The following U2AF1L4 variants were observed in gnomAD, a reference collection of about 807,000 sequenced individuals.
U2AF1L4 encodes U2 small nuclear RNA auxiliary factor 1 like 4.
U2AF1L4 carries 21 observed loss-of-function variants against 21.7 expected under a neutral mutation model. The observed-to-expected ratio is 0.97, with a 90% confidence interval of 0.69 to 1.39. The LOEUF is 1.39. Among genes scored for constraint, U2AF1L4 ranks in the 40% most tolerant of loss-of-function variants. U2AF1L4 has a pLI of 0.00. For missense variants in U2AF1L4, 259 were observed against 245.7 expected, an observed-to-expected ratio of 1.05 and a Z score of -0.36; for synonymous variants, 92 against 89.7, an observed-to-expected ratio of 1.03 and a Z score of -0.15.
intron 5 of U2AF1L4, chr19:35,743,326 C>G (rs1407861180): frequency 8.4e-6 from 2 of 239,164 alleles, no homozygotes; most frequent in Non-Finnish European, 1.6e-5. Flanking sequence ...TGAGCCAAGA[C>G]TGCGCCTTTG....
At chr19:35,744,743 A>C (rs1970484602) in intron 2 of U2AF1L4, 1 of 1,534,556 alleles carries the variant, frequency 6.5e-7, no homozygotes, top group African/African-American at 1.4e-5. Flanking sequence ...GCAGGGCTGC[A>C]TGAACAGAGA....
At position 35,742,591 on chromosome 19, in the gene U2AF1L4, G is replaced by A. The variant is rs765419108; in HGVS notation, c.*128C>T. 6.2e-7 allele frequency: 1 copy of A among 1,613,920 alleles called. No homozygotes were observed. The highest frequency in any genetic ancestry group is 2.2e-5 in the East Asian group (1 of 44,886). On this transcript the variant is annotated 3_prime_UTR_variant, in exon 6 of 6. Transcript: ENST00000378975. ...GGCGGTAGAAGAAGGTCTCCATGCT[G>A]AACAGATTACATTATGGAGCCCGGG...
rs894848178 is a variant in U2AF1L4 at position 35,743,666 on chromosome 19, AAC to A, written c.461+141_461+142del. On this transcript the variant is annotated intron_variant, in intron 5 of 5. Transcript: ENST00000378975. ...GGTGCCAATGCACTCCAGCCTGGGC[AAC>A]AGAGTGAGGCTCCATCTCAAAAAAA... is the stretch of plus-strand genomic sequence containing the variant. 1.3e-5 allele frequency: 10 copies of A among 790,880 alleles called. No individual in the cohort carries two copies. The Admixed American group carries it at 2.4e-4, about 19-fold the overall frequency. The allele number at this position is 790,880 out of a possible 1,614,324, so 49.0% of individuals were successfully genotyped here. A position where few individuals can be genotyped will look rare whatever the true frequency, so the allele number is the denominator to read the frequency against.
rs757313690 is a variant in U2AF1L4, at chr19:35,745,124, C to G, written c.132+1G>C. ...CCCCGAGGCTCCGTGCCGGGTCTCACCTGGCTGAATGTCGGCTTGTTGTGA... is the reference window on the plus strand; with the variant it reads ...CCCCGAGGCTCCGTGCCGGGTCTCAGCTGGCTGAATGTCGGCTTGTTGTGA... On this transcript the variant is annotated splice_donor_variant, in intron 2 of 5. Coordinates refer to ENST00000378975, the MANE Select transcript of U2AF1L4 (RefSeq NM_001040425.3). LOFTEE classifies it high-confidence loss of function. The G allele has an allele frequency of 1.2e-5, 19 of 1,612,978 alleles. No homozygotes were observed. Among genetic ancestry groups the G allele is most frequent in the Non-Finnish European group, 1.5e-5 (18 of 1,179,918 alleles).
At chr19:35,743,752 C>A (rs1165889021) in intron 5 of U2AF1L4, 57 bp downstream of exon 5, 4 of 1,319,202 alleles carry the variant, frequency 3.0e-6, no homozygotes, top group African/African-American at 1.5e-5. Context: ...TTAGGCTCAT[C>A]TGAGGATATA....
At chr19:35,743,729 C>T (rs763183658) in intron 5 of U2AF1L4, 80 bp downstream of exon 5, 3 of 834,518 alleles carry the variant, frequency 3.6e-6, no homozygotes, top group South Asian at 1.5e-5. Context: ...AACGTGGTTA[C>T]TGGGGCTTAG....
At chr19:35,743,329 C>A (rs1399350373) in intron 5 of U2AF1L4, 2 of 229,820 alleles carry the variant, frequency 8.7e-6, no homozygotes, top group South Asian at 3.6e-5. Flanking sequence ...GCCAAGACTG[C>A]GCCTTTGCAC....
chr19:35,742,489 G>T, downstream of U2AF1L4: 1 of 1,571,546 alleles, frequency 6.4e-7, no homozygotes, highest in South Asian at 1.2e-5. Flanking sequence ...CGTCACATGT[G>T]TGGGTGGAGG....
At chr19:35,744,510 T>A (rs774515005) in intron 2 of U2AF1L4, 89 bp from the exon 3 acceptor site, 1 of 1,606,660 alleles carries the variant, frequency 6.2e-7, no homozygotes, top group Non-Finnish European at 8.5e-7. Flanking sequence ...GCTATCATAG[T>A]GCTCCTGCAC....
intron 5 of U2AF1L4, 119 bp downstream of exon 5, chr19:35,743,686 CAAAA>C (rs36076889): frequency 6.4e-3 from 3,136 of 488,172 alleles, no homozygotes; most frequent in Non-Finnish European, 6.9e-3. Flanking sequence ...GGCTCCATCT[CAAAA>C]AAAAAAAAAA....
chr19:35,743,947 C>A (rs1219907264), intron 4 of U2AF1L4, 43 bp from the exon 5 acceptor site: 22 of 1,609,026 alleles, frequency 1.4e-5, no homozygotes, highest in Non-Finnish European at 1.9e-5. Flanking sequence ...TTGTCACTGA[C>A]AGCCCCTACC....
rs576356371 is a variant in U2AF1L4 at position 35,743,864 on chromosome 19, G to T, written c.406C>A (p.Arg136=). Residue 136 remains arginine, a synonymous_variant, in exon 5 of 6, where the codon CGG becomes AGG. Coordinates refer to ENST00000378975, the MANE Select transcript of U2AF1L4 (RefSeq NM_001040425.3). ...RGGFCNFMHL[R]PISQNLQRQL... ...CTCTGGAGGTTCTGGGAAATGGGCC[G>T]CAGATGCATGAAGTTGCAGAAGCCA... 6.2e-7 allele frequency: 1 copy of T among 1,613,348 alleles called. No homozygotes were observed. The highest frequency in any genetic ancestry group is 1.7e-5 in the Admixed American group (1 of 59,898).
At chr19:35,742,928 G>C (rs1328832354) in intron 5 of U2AF1L4, 125 bp from the exon 6 acceptor site, 4 of 882,562 alleles carry the variant, frequency 4.5e-6, no homozygotes, top group Non-Finnish European at 7.1e-6. Flanking sequence ...TCTAAGACAC[G>C]ACCTCAGTGG....
chr19:35,743,959 C>T (rs1223720405), intron 4 of U2AF1L4, 53 bp downstream of exon 4: 24 of 1,608,828 alleles, frequency 1.5e-5, no homozygotes, highest in East Asian at 2.2e-5. Flanking sequence ...GCCCCTACCA[C>T]GCATTCAAAG....
At chr19:35,744,838 C>T in intron 2 of U2AF1L4, 1 of 979,942 alleles carries the variant, frequency 1.0e-6, no homozygotes, top group Non-Finnish European at 1.5e-6. Context: ...CCTAAGAAAC[C>T]AGAAAAGGGA....
intron 2 of U2AF1L4, 185 bp from the exon 3 acceptor site, chr19:35,744,606 A>C: frequency 1.3e-6 from 2 of 1,537,994 alleles, no homozygotes; most frequent in Admixed American, 2.0e-5. Context: ...CCTTGCCCCC[A>C]GGCCTGGTCC....
Position 35,745,169 on chromosome 19 carries a change from C to A in U2AF1L4, c.88G>T (p.Gly30Trp). 1 of 1,613,678 alleles carries A rather than the reference C, an allele frequency of 6.2e-7. No homozygotes were observed. Among genetic ancestry groups the A allele is most frequent in the Middle Eastern group, 1.7e-4 (1 of 6,054 alleles). The stretch of plus-strand genomic sequence containing the variant: ...TTGTGAAGCCGGGAGCACCGGTCCC[C>A]GTGCCGGCAGACCCCGATCTTAAAG... ...FYFKIGVCRH[G>W]DRCSRLHNKP... is the part of the protein sequence containing the mutation. Residue 30 changes from glycine (G) to tryptophan (W), a missense_variant, in exon 2 of 6, where the codon GGG becomes TGG. Gly to Trp is a radical substitution (Grantham distance 184). Transcript: ENST00000378975.
In U2AF1L4 at chr19:35,745,221, G is replaced by A. The variant is rs772627972; in HGVS notation, c.45-9C>T. The stretch of plus-strand genomic sequence containing the variant: ...AAAAAGAGCAGTTAACCCTGGAAAA[G>A]GTGCAAAGACAAAGGTGAACCGAGG... On this transcript the variant is annotated splice_polypyrimidine_tract_variant and intron_variant, in intron 1 of 5. Coordinates refer to ENST00000378975, the MANE Select transcript of U2AF1L4 (RefSeq NM_001040425.3). 5 of 1,613,094 alleles carry A rather than the reference G, an allele frequency of 3.1e-6. No individual in the cohort carries two copies. Among genetic ancestry groups the A allele is most frequent in the South Asian group, 1.1e-5 (1 of 91,066 alleles).
chr19:35,743,618 C>T (rs748978129), intron 5 of U2AF1L4, 191 bp downstream of exon 5: 15 of 613,430 alleles, frequency 2.4e-5, no homozygotes, highest in Admixed American at 5.9e-5. Context: ...ACCCGGGAGG[C>T]GGAAGTTGCC....
Sources: gnomAD v4.1 joint callset for allele counts on GRCh38, gnomAD v4.1.1 for gene constraint, MANE v1.5 for transcripts, NCBI Gene and HGNC (gene_info 2026-07-23, HGNC 2026-07-21) for gene names.